Variants in EPHB1 observed in about 807,000 individuals in gnomAD.
The protein encoded by EPHB1 is EPH receptor B1, also known as ephrin type-B receptor 1.
EPHB1 carries 30 observed loss-of-function variants against 94.4 expected under a neutral mutation model. The observed-to-expected ratio is 0.32, with a 90% CI of 0.24 to 0.43. The LOEUF (loss-of-function observed/expected upper bound fraction) is 0.43. Ranked by LOEUF, EPHB1 falls within the 20% of genes least tolerant of loss-of-function variation. EPHB1 has a pLI of 1.00. For synonymous variants in EPHB1, 522 were observed against 489.1 expected, an observed-to-expected ratio of 1.07 and a Z score of -0.89; for missense variants, 1,055 against 1,308.3, an observed-to-expected ratio of 0.81 and a Z score of 2.99.
chr3:134,837,325 A>G (rs2036690426), intron 1 of EPHB1, among the ~76,000 whole-genome samples: 1 of 152,260 alleles, frequency 6.6e-6, no homozygotes, highest in Non-Finnish European at 1.5e-5. Context: ...TTACAAAAAA[A>G]CAAGTTAATA....
intron 12 of EPHB1, among the ~76,000 whole-genome samples, chr3:135,206,280 G>A (rs941617004): frequency 1.3e-5 from 2 of 152,068 alleles, no homozygotes; most frequent in Admixed American, 1.3e-4. Context: ...GGAATATTCC[G>A]GAATTCATTT....
chr3:135,204,924 C>A (rs1394019186), intron 12 of EPHB1, among the ~76,000 whole-genome samples: 1 of 125,632 alleles, frequency 8.0e-6, no homozygotes, highest in African/African-American at 3.0e-5. Context: ...TAACCATACC[C>A]CCTACCACCA....
At chr3:135,222,548 C>T (rs1008823240) in intron 12 of EPHB1, among the ~76,000 whole-genome samples, 5 of 152,152 alleles carry the variant, frequency 3.3e-5, no homozygotes, top group Admixed American at 6.5e-5. Flanking sequence ...CTGAAGAGGG[C>T]CTTTCTTTCA....
chr3:135,046,452 C>T (rs1406047574), intron 3 of EPHB1, among the ~76,000 whole-genome samples: 3 of 151,528 alleles, frequency 2.0e-5, no homozygotes, highest in Non-Finnish European at 2.9e-5. Flanking sequence ...CATGTTTGAT[C>T]GTCTTAACAT....
intron 3 of EPHB1, among the ~76,000 whole-genome samples, chr3:135,022,864 T>A (rs930404864): frequency 2.0e-5 from 3 of 152,148 alleles, no homozygotes; most frequent in African/African-American, 2.4e-5. Context: ...TAGGGTGGAG[T>A]GTGTTTTCAA....
chr3:135,009,663 C>A (rs2107748040), intron 3 of EPHB1, among the ~76,000 whole-genome samples: 1 of 152,342 alleles, frequency 6.6e-6, no homozygotes, highest in South Asian at 2.1e-4. Context: ...GATTTTCTAA[C>A]ATCCTAATGC....
intron 15 of EPHB1, 85 bp from the exon 16 acceptor site, chr3:135,258,927 A>G (rs2107736242): frequency 3.4e-6 from 4 of 1,189,146 alleles, no homozygotes; most frequent in Non-Finnish European, 4.8e-6. Context: ...CTACTTCCCA[A>G]GAACATGGCT....
intron 1 of EPHB1, among the ~76,000 whole-genome samples, chr3:134,893,626 C>G (rs537943253): frequency 6.6e-6 from 1 of 152,234 alleles, no homozygotes; most frequent in African/African-American, 2.4e-5. Context: ...CCAGCCTCCT[C>G]GCCATCATCA....
At chr3:134,995,624 C>A (rs1297542226) in intron 3 of EPHB1, among the ~76,000 whole-genome samples, 1 of 151,820 alleles carries the variant, frequency 6.6e-6, no homozygotes, top group African/African-American at 2.4e-5. Context: ...AACAGAATGG[C>A]TAAAATAAAA....
intron 1 of EPHB1, among the ~76,000 whole-genome samples, chr3:134,849,309 G>A (rs532539819): frequency 2.1e-4 from 32 of 152,316 alleles, no homozygotes; most frequent in African/African-American, 6.3e-4. Context: ...GATGATGCTG[G>A]TCTGGAGACC....
intron 3 of EPHB1, among the ~76,000 whole-genome samples, chr3:135,100,804 A>G (rs932504391): frequency 2.8e-4 from 42 of 152,152 alleles, no homozygotes; most frequent in African/African-American, 9.9e-4. Context: ...CAGAGGTGAC[A>G]TGCACCTATC....
chr3:135,128,909 C>G (rs183618250), intron 4 of EPHB1, among the ~76,000 whole-genome samples: 14 of 152,130 alleles, frequency 9.2e-5, no homozygotes, highest in African/African-American at 3.1e-4. Flanking sequence ...GAAGACACAC[C>G]CCTGCCCTCA....
chr3:134,880,983 A>T (rs2037719437), intron 1 of EPHB1, among the ~76,000 whole-genome samples: 1 of 152,154 alleles, frequency 6.6e-6, no homozygotes, highest in South Asian at 2.1e-4. Context: ...ATTGTTTCTC[A>T]CTGGAGCGGC....
At chr3:135,038,739 GGTGA>G (rs1450128458) in intron 3 of EPHB1, among the ~76,000 whole-genome samples, 7 of 151,958 alleles carry the variant, frequency 4.6e-5, no homozygotes, top group African/African-American at 1.7e-4. Flanking sequence ...AGACCTTCGC[GGTGA>G]GTGTTACAGC....
At chr3:134,956,310 T>G (rs1933270904) in intron 3 of EPHB1, among the ~76,000 whole-genome samples, 1 of 152,144 alleles carries the variant, frequency 6.6e-6, no homozygotes, top group Non-Finnish European at 1.5e-5. Flanking sequence ...CCCTGAGTGC[T>G]GCCTGAGGGC....
At chr3:135,030,887 T>C (rs1936424602) in intron 3 of EPHB1, among the ~76,000 whole-genome samples, 1 of 152,030 alleles carries the variant, frequency 6.6e-6, no homozygotes, top group South Asian at 2.1e-4. Context: ...CTCCTTGGAG[T>C]AGGACCCTCG....
intron 1 of EPHB1, among the ~76,000 whole-genome samples, chr3:134,875,784 AT>A (rs2108309384): frequency 1.3e-5 from 2 of 152,186 alleles, no homozygotes; most frequent in South Asian, 4.1e-4. Flanking sequence ...TAAAGCAAAA[AT>A]TTTAAAGACA....
At chr3:134,908,997 T>C (rs1420673091) in intron 1 of EPHB1, among the ~76,000 whole-genome samples, 1 of 151,124 alleles carries the variant, frequency 6.6e-6, no homozygotes, top group African/African-American at 2.4e-5. Context: ...AGAGGTAGGA[T>C]GTGCCCACCA....
chr3:134,988,300 AG>A (rs1198006022), intron 3 of EPHB1, among the ~76,000 whole-genome samples: 5 of 152,350 alleles, frequency 3.3e-5, no homozygotes, highest in African/African-American at 1.2e-4. Context: ...GGCACAAAGG[AG>A]GGAGCTCAAG....
Sources: allele counts gnomAD v4.1 joint callset (sites outside exome capture counted in the v4.1 genomes callset), GRCh38; gene constraint gnomAD v4.1.1; transcripts MANE v1.5; gene names NCBI Gene and HGNC (gene_info 2026-07-23, HGNC 2026-07-21).